G6PC2: variants seen among roughly 807,000 people sequenced by gnomAD.
G6PC2 encodes glucose-6-phosphatase 2.
G6PC2 carries 41 observed loss-of-function variants against 35.4 expected under a neutral mutation model. The ratio of observed to expected loss-of-function variants is 1.16; its 90% CI spans 0.90 to 1.50. The LOEUF (loss-of-function observed/expected upper bound fraction) is 1.50. G6PC2 is among the 40% of genes most tolerant of loss of function. The probability of loss-of-function intolerance (pLI) is 0.00; values close to 1 mark genes in which losing one functional copy is unlikely to be tolerated. For missense variants in G6PC2, 441 were observed against 426.5 expected (o/e 1.03, Z -0.30); for synonymous variants, 165 against 153.2 (o/e 1.08, Z -0.57).
intron 3 of G6PC2, among the ~76,000 whole-genome samples, chr2:168,906,075 C>A (rs375505513): frequency 1.3e-3 from 161 of 121,356 alleles, no homozygotes; most frequent in South Asian, 2.6e-3. Flanking sequence ...TTCTGTGTCT[C>A]AAAAAAAAAA....
intron 4 of G6PC2, 105 bp from the exon 5 acceptor site, chr2:168,907,463 C>A: frequency 9.0e-7 from 1 of 1,114,986 alleles, no homozygotes; most frequent in Non-Finnish European, 1.4e-6. Flanking sequence ...GTGTCTAATG[C>A]CCTTTGTCAT....
In G6PC2 at chr2:168,907,764, T is replaced by C; in HGVS notation, c.753T>C (p.Ile251=). Residue 251 remains isoleucine, a synonymous_variant, in exon 5 of 5, where the codon ATT becomes ATC. Coordinates refer to ENST00000375363, the MANE Select transcript of G6PC2 (RefSeq NM_021176.3). ...KWCANPDWIH[I]DTTPFAGLVR... is the part of the protein sequence containing the mutation. ...GTGCTAACCCCGACTGGATCCACAT[T>C]GACACCACGCCTTTTGCTGGACTCG... 1 of 1,614,060 alleles carries C rather than the reference T, an allele frequency of 6.2e-7. No individual in the cohort carries two copies. Among genetic ancestry groups the C allele is most frequent in the Non-Finnish European group, 8.5e-7 (1 of 1,179,958 alleles).
rs1429589662 is a variant in G6PC2 at position 168,908,216 on chromosome 2, A to G, written c.*137A>G. 1.3e-6 allele frequency: 1 copy of G among 753,710 alleles called. No individual in the cohort carries two copies. The highest frequency in any genetic ancestry group is 1.7e-5 in the African/African-American group (1 of 57,536). 46.7% of individuals were successfully genotyped at this position (753,710 alleles called of 1,614,324 possible). A position where few individuals can be genotyped will look rare whatever the true frequency, so the allele number is the denominator to read the frequency against. ...GGCACAGGCCCCATTCCCCATAGAG[A>G]TGTTTAGTTTGGCCTTCGCACTGGT... On this transcript the variant is annotated 3_prime_UTR_variant, in exon 5 of 5. Coordinates refer to ENST00000375363, the MANE Select transcript of G6PC2 (RefSeq NM_021176.3).
At chr2:168,902,775 A>C (rs1030507370) in intron 2 of G6PC2, among the ~76,000 whole-genome samples, 1 of 152,112 alleles carries the variant, frequency 6.6e-6, no homozygotes, top group African/African-American at 2.4e-5. Context: ...TTGGGAGAAA[A>C]CTCCCCCAGT....
rs151134573 is a variant in G6PC2 at position 168,908,183 on chromosome 2, A to G, written c.*104A>G. The G allele has an allele frequency of 1.0e-6, 1 of 960,430 alleles. No individual in the cohort carries two copies. The highest frequency in any genetic ancestry group is 1.7e-6 in the Non-Finnish European group (1 of 595,380). 59.5% of individuals were successfully genotyped at this position (960,430 alleles called of 1,614,324 possible). The stretch of plus-strand genomic sequence containing the variant: ...CCAGAGGCTTCTAATCCGACTTCAC[A>G]GAATAGCGGCACAGGCCCCATTCCC... On this transcript the variant is annotated 3_prime_UTR_variant, in exon 5 of 5. Transcript: ENST00000375363.
chr2:168,906,454 T>C (rs1005319332), intron 3 of G6PC2, among the ~76,000 whole-genome samples: 1 of 152,230 alleles, frequency 6.6e-6, no homozygotes, highest in African/African-American at 2.4e-5. Flanking sequence ...TTAAATTTAA[T>C]GCATTGAGAA....
chr2:168,907,920 A>G lies in G6PC2; in HGVS notation c.909A>G (p.Ile303Met). Residue 303 changes from isoleucine (I) to methionine (M), a missense_variant, in exon 5 of 5, where the codon ATA becomes ATG. Coordinates refer to ENST00000375363, the MANE Select transcript of G6PC2 (RefSeq NM_021176.3). ...TCTGTGCCTTGACCTCATTGACAATACTGCAGCTCTACCATTTCCTCCAGA... is the reference window on the plus strand; with the variant it reads ...TCTGTGCCTTGACCTCATTGACAATGCTGCAGCTCTACCATTTCCTCCAGA... Reference protein sequence around the residue: ...RLLCALTSLTILQLYHFLQIP... With the variant: ...RLLCALTSLTMLQLYHFLQIP... The G allele has an allele frequency of 1.2e-6, 2 of 1,614,094 alleles. No individual in the cohort carries two copies. The highest frequency in any genetic ancestry group is 1.7e-6 in the Non-Finnish European group (2 of 1,179,946).
chr2:168,906,793 C>T lies in G6PC2; in HGVS notation c.556+14C>T, dbSNP rs370478326. On this transcript the variant is annotated intron_variant, in intron 4 of 4. Coordinates refer to ENST00000375363, the MANE Select transcript of G6PC2 (RefSeq NM_021176.3). ...GAGTAATTGGTGGTAAATATGATCACTTACCTTTAGCTGTGTCCTTTGAAA... is the reference window on the plus strand; with the variant it reads ...GAGTAATTGGTGGTAAATATGATCATTTACCTTTAGCTGTGTCCTTTGAAA... 4.0e-5 allele frequency: 47 copies of T among 1,177,518 alleles called. No individual in the cohort carries two copies. In the Admixed American group the frequency reaches 4.5e-4, roughly 11 times the overall value. The allele number at this position is 1,177,518 out of a possible 1,614,324, so 72.9% of individuals were successfully genotyped here.
intron 1 of G6PC2, among the ~76,000 whole-genome samples, chr2:168,902,138 T>A (rs1455707981): frequency 6.6e-6 from 1 of 152,202 alleles, no homozygotes; most frequent in East Asian, 1.9e-4. Flanking sequence ...ATGAACAAAT[T>A]GATAATTCTA....
chr2:168,908,334 T>C lies in G6PC2; in HGVS notation c.*255T>C. On this transcript the variant is annotated 3_prime_UTR_variant, in exon 5 of 5. Coordinates refer to ENST00000375363, the MANE Select transcript of G6PC2 (RefSeq NM_021176.3). The stretch of plus-strand genomic sequence containing the variant: ...CTGTATTTCTTGAAAAATCTGATAG[T>C]ATGACAACACAGAGCCTGCATCCCC... 5.4e-6 allele frequency: 3 copies of C among 554,646 alleles called. No individual in the cohort carries two copies. The East Asian group carries it at 9.4e-5, about 17-fold the overall frequency. The allele number at this position is 554,646 out of a possible 1,614,324, so 34.4% of individuals were successfully genotyped here.
Position 168,901,501 on chromosome 2 carries a change from T to C in G6PC2, c.170T>C (p.Met57Thr), listed in dbSNP as rs2105849456. ...TTTAATCAGACAGTTGGAACCAAGA[T>C]GATATGGGTAGCAGTCATTGGGGAT... ...FQFNQTVGTK[M>T]IWVAVIGDWL... Residue 57 changes from methionine (M) to threonine (T), a missense_variant, in exon 1 of 5, where the codon ATG becomes ACG. Met to Thr is a moderately conservative substitution (Grantham distance 81, BLOSUM62 -1). Coordinates refer to ENST00000375363, the MANE Select transcript of G6PC2 (RefSeq NM_021176.3). 1 of 1,594,126 alleles carries C rather than the reference T, an allele frequency of 6.3e-7. No homozygotes were observed. Among genetic ancestry groups the C allele is most frequent in the South Asian group, 1.1e-5 (1 of 90,630 alleles).
rs1423030991 is a variant in G6PC2, at chr2:168,906,667, G to A, written c.444G>A (p.Leu148=). The change falls in exon 4 of 5, where the codon CTG becomes CTA. Residue 148 remains leucine, a synonymous_variant. Coordinates refer to ENST00000375363, the MANE Select transcript of G6PC2 (RefSeq NM_021176.3). ...MDKFSITLHR[L]TWSFLWSVFW... ...TGTATCTATTCTTCCATCGTAGACT[G>A]ACCTGGTCATTTCTTTGGAGTGTTT... 1 of 1,526,864 alleles carries A rather than the reference G, an allele frequency of 6.5e-7. No individual in the cohort carries two copies. The highest frequency in any genetic ancestry group is 9.1e-7 in the Non-Finnish European group (1 of 1,100,360). 94.6% of individuals were successfully genotyped at this position (1,526,864 alleles called of 1,614,324 possible).
At chr2:168,905,459 TA>T (rs1690687818) in intron 3 of G6PC2, among the ~76,000 whole-genome samples, 1 of 152,128 alleles carries the variant, frequency 6.6e-6, no homozygotes, top group Non-Finnish European at 1.5e-5. Context: ...AACAAACAAC[TA>T]AAGGAATTTG....
At chr2:168,905,986 TA>T (rs1374019825) in intron 3 of G6PC2, among the ~76,000 whole-genome samples, 2 of 151,522 alleles carry the variant, frequency 1.3e-5, no homozygotes, top group African/African-American at 4.8e-5. Flanking sequence ...TGGATTTTAA[TA>T]TTTTTTTATG....
chr2:168,901,616 G>A lies in G6PC2; in HGVS notation c.218+67G>A, dbSNP rs1690596923. ...CTTAAATTTGTGACTTCGGCATAAT[G>A]ATCACATTTCAGATGTATATCGTTT... On this transcript the variant is annotated intron_variant, in intron 1 of 4. Coordinates refer to ENST00000375363, the MANE Select transcript of G6PC2 (RefSeq NM_021176.3). The A allele has an allele frequency of 9.6e-6, 8 of 834,720 alleles. No individual in the cohort carries two copies. In the Admixed American group the frequency reaches 1.6e-4, roughly 16 times the overall value. The allele number at this position is 834,720 out of a possible 1,614,324, so 51.7% of individuals were successfully genotyped here.
chr2:168,906,629 T>C, intron 3 of G6PC2, 35 bp from the exon 4 acceptor site: 1 of 1,034,470 alleles, frequency 9.7e-7, no homozygotes, highest in South Asian at 1.3e-5. Flanking sequence ...CCAGTTTCTT[T>C]GCTTTTTATG....
Position 168,908,863 on chromosome 2 carries a change from GA to G in G6PC2, c.*786del, listed in dbSNP as rs1351303265. The G allele has an allele frequency of 1.3e-5, 2 of 151,944 alleles. No individual in the cohort carries two copies. Among genetic ancestry groups the G allele is most frequent in the East Asian group, 3.9e-4 (2 of 5,158 alleles). The allele number at this position is 151,944 out of a possible 1,614,324, so 9.4% of individuals were successfully genotyped here. ...GCACCACCATGCCTGGCTAATTTTTGAATATTTTTTAGAGCCAGCTTCTTAC... is the reference window on the plus strand; with the variant it reads ...GCACCACCATGCCTGGCTAATTTTTGATATTTTTTAGAGCCAGCTTCTTAC... On this transcript the variant is annotated 3_prime_UTR_variant, in exon 5 of 5. Coordinates refer to ENST00000375363, the MANE Select transcript of G6PC2 (RefSeq NM_021176.3).
intron 1 of G6PC2, among the ~76,000 whole-genome samples, chr2:168,901,920 G>A (rs904215990): frequency 1.2e-4 from 18 of 151,786 alleles, no homozygotes; most frequent in Non-Finnish European, 2.4e-4. Context: ...ATTTTTAGTA[G>A]AGACAGGGTT....
chr2:168,907,064 TCAGA>T (rs1690728467), intron 4 of G6PC2, among the ~76,000 whole-genome samples: 1 of 152,188 alleles, frequency 6.6e-6, no homozygotes, highest in African/African-American at 2.4e-5. Context: ...AACCATCACT[TCAGA>T]CAGTGTGCTT....
Sources: gnomAD v4.1 joint callset for allele counts (sites outside exome capture counted in the v4.1 genomes callset) on GRCh38, gnomAD v4.1.1 for gene constraint, MANE v1.5 for transcripts, NCBI Gene and HGNC (gene_info 2026-07-23, HGNC 2026-07-21) for gene names.